Variants in SLC41A3 observed in about 807,000 individuals in gnomAD.
SLC41A3 encodes solute carrier family 41 member 3, also known as SLC41A1-like 2.
A neutral mutation model predicts 45.4 loss-of-function variants in SLC41A3; 44 were observed. The observed-to-expected ratio is 0.97, with a 90% CI of 0.76 to 1.25. The LOEUF (loss-of-function observed/expected upper bound fraction) is 1.25, where lower values mean the gene tolerates loss of function less well. SLC41A3 is among the 50% of genes most tolerant of loss of function. The pLI is 0.00. For missense variants in SLC41A3, 550 were observed against 600.6 expected, an observed-to-expected ratio of 0.92 and a Z score of 0.88; for synonymous variants, 256 against 252.4, an observed-to-expected ratio of 1.01 and a Z score of -0.13.
At chr3:126,012,907 C>T (rs1165111424) in intron 8 of SLC41A3, among the ~76,000 whole-genome samples, 158 bp from the exon 9 acceptor site, 1 of 152,174 alleles carries the variant, frequency 6.6e-6, no homozygotes, top group Non-Finnish European at 1.5e-5. Context: ...TCTTGTTTGG[C>T]AGCAAGTCAG....
rs1423405035 is a variant in SLC41A3 at position 126,026,798 on chromosome 3, T to C, written c.454-319A>G. Among the ~76,000 whole-genome samples, 1 of 152,112 alleles carries C rather than the reference T, an allele frequency of 6.6e-6. No homozygotes were observed. Among genetic ancestry groups the C allele is most frequent in the East Asian group, 1.9e-4 (1 of 5,176 alleles). On this transcript the variant is annotated intron_variant, in intron 4 of 10. Coordinates refer to ENST00000360370, the MANE Select transcript of SLC41A3 (RefSeq NM_017836.4). This position sits in a 1 kb window ranked among gnomAD's most constrained non-coding sequence, Gnocchi z 4.2. ...CCTGGTATCTTGCTGGCAACTCCAC[T>C]CTCACTGGTCTGAGCAGAAGTCCTC... is the stretch of plus-strand genomic sequence containing the variant.
At chr3:126,067,628 G>T (rs1944417997) in intron 2 of SLC41A3, 1 of 493,652 alleles carries the variant, frequency 2.0e-6, no homozygotes, top group East Asian at 5.7e-5. Context: ...ACCCCAGTGT[G>T]TGGGACTTTG....
chr3:126,042,235 C>T (rs1942641986), intron 3 of SLC41A3, among the ~76,000 whole-genome samples: 1 of 152,010 alleles, frequency 6.6e-6, no homozygotes, highest in Non-Finnish European at 1.5e-5. Context: ...GACAGAGGAA[C>T]ACAATAGAAT....
At chr3:126,034,015 GCA>G (rs1183687311) in intron 3 of SLC41A3, among the ~76,000 whole-genome samples, 1 of 152,084 alleles carries the variant, frequency 6.6e-6, no homozygotes, top group Non-Finnish European at 1.5e-5. Context: ...ACACATGCAT[GCA>G]CACACACAGG....
At chr3:126,074,299 CT>C (rs2108054589) in intron 1 of SLC41A3, among the ~76,000 whole-genome samples, 1 of 151,794 alleles carries the variant, frequency 6.6e-6, no homozygotes, top group South Asian at 2.1e-4. Context: ...TGTTCTCATC[CT>C]GATTAAGGGC....
chr3:126,040,262 T>C (rs1942496579), intron 3 of SLC41A3, among the ~76,000 whole-genome samples: 1 of 152,240 alleles, frequency 6.6e-6, no homozygotes, highest in African/African-American at 2.4e-5. Context: ...CATGCTTATT[T>C]CCAACTCTAA....
Position 126,008,983 on chromosome 3 carries a change from C to A in SLC41A3, c.1106-103G>T, listed in dbSNP as rs1391921938. 3 of 1,455,458 alleles carry A rather than the reference C, an allele frequency of 2.1e-6. No homozygotes were observed. In the African/African-American group the frequency reaches 4.2e-5, roughly 20 times the overall value. The allele number at this position is 1,455,458 out of a possible 1,614,324, so 90.2% of individuals were successfully genotyped here. A position where few individuals can be genotyped will look rare whatever the true frequency, so the allele number is the denominator to read the frequency against. ...TCCACACTCACTCATCCATTTATTC[C>A]CAAGTGTTCACTGGACACCTACTCT... On this transcript the variant is annotated intron_variant, in intron 9 of 10. Coordinates refer to ENST00000360370, the MANE Select transcript of SLC41A3 (RefSeq NM_017836.4).
At position 126,016,816 on chromosome 3, in the gene SLC41A3, C is replaced by T. The variant is rs1420469548; in HGVS notation, c.805G>A (p.Val269Ile). ...GGTGGGCTCTGCTTGGCAATGAGGA[C>T]CCACACTGGGGTCAGAGCCGCAAAG... Reference protein sequence around the residue: ...LSFAALTPVWVLIAKQSPPIV... With the variant: ...LSFAALTPVWILIAKQSPPIV... The change falls in exon 7 of 11, where the codon GTC becomes ATC. Residue 269 changes from valine (V) to isoleucine (I), a missense_variant. Physicochemically the swap from Val to Ile is conservative, Grantham distance 29. Coordinates refer to ENST00000360370, the MANE Select transcript of SLC41A3 (RefSeq NM_017836.4). 5 of 1,612,286 alleles carry T rather than the reference C, an allele frequency of 3.1e-6. No individual in the cohort carries two copies. In the South Asian group the frequency reaches 5.5e-5, roughly 18 times the overall value.
intron 3 of SLC41A3, among the ~76,000 whole-genome samples, chr3:126,048,449 T>C (rs957960834): frequency 6.6e-6 from 1 of 152,200 alleles, no homozygotes; most frequent in African/African-American, 2.4e-5. Context: ...TTTATTTCAT[T>C]TAGATGTTTT....
At chr3:126,009,864 C>T (rs1438294737) in intron 9 of SLC41A3, among the ~76,000 whole-genome samples, 1 of 152,174 alleles carries the variant, frequency 6.6e-6, no homozygotes, top group Non-Finnish European at 1.5e-5. Context: ...TGTTTAGGTG[C>T]ACAACACAGA....
In SLC41A3 at chr3:126,067,937, T is replaced by TC. The variant is rs769418576; in HGVS notation, c.273+9dup. Reference sequence around the variant, plus strand: ...GCCCCGCTCCCTGTCCCCATTTAGTTCCCTCTTACCTGGAAATAGTCCAGA... The same window carrying TC: ...GCCCCGCTCCCTGTCCCCATTTAGTTCCCCTCTTACCTGGAAATAGTCCAGA... On this transcript the variant is annotated intron_variant, in intron 2 of 10. Coordinates refer to ENST00000360370, the MANE Select transcript of SLC41A3 (RefSeq NM_017836.4). 4.4e-6 allele frequency: 7 copies of TC among 1,574,902 alleles called. No homozygotes were observed. In the African/African-American group the frequency reaches 9.5e-5, roughly 21 times the overall value.
At chr3:126,066,578 G>A (rs1267771915) in intron 2 of SLC41A3, among the ~76,000 whole-genome samples, 1 of 152,184 alleles carries the variant, frequency 6.6e-6, no homozygotes, top group African/African-American at 2.4e-5. Context: ...TTGGGAACAA[G>A]CATTTCCCTG....
intron 2 of SLC41A3, among the ~76,000 whole-genome samples, chr3:126,054,199 T>C (rs966516811): frequency 2.0e-5 from 3 of 152,252 alleles, no homozygotes; most frequent in South Asian, 2.1e-4. Flanking sequence ...ATAAGTCCTA[T>C]GAACCCCAAA....
intron 3 of SLC41A3, among the ~76,000 whole-genome samples, chr3:126,049,082 C>T (rs1483986591): frequency 6.6e-6 from 1 of 152,230 alleles, no homozygotes; most frequent in African/African-American, 2.4e-5. Flanking sequence ...GGGTGGATCA[C>T]GAGGTCGGAA....
chr3:126,061,854 T>C (rs4413273), intron 2 of SLC41A3, among the ~76,000 whole-genome samples: 100,091 of 151,962 alleles, frequency 0.66, 33,223 homozygotes, highest in Middle Eastern at 0.72. Context: ...CTGTCTCTCT[T>C]GGGCTCTGTC....
At chr3:126,046,898 G>A (rs10222476) in intron 3 of SLC41A3, among the ~76,000 whole-genome samples, 47,520 of 149,500 alleles carry the variant, frequency 0.32, 8,995 homozygotes, top group East Asian at 0.52. Context: ...GGAGGTGGAG[G>A]TTGCAGTGAG....
At chr3:126,078,509 A>C (rs1300834182) in intron 1 of SLC41A3, among the ~76,000 whole-genome samples, 1 of 152,140 alleles carries the variant, frequency 6.6e-6, no homozygotes, top group African/African-American at 2.4e-5. Context: ...CAGAACCATG[A>C]GGAGGAAGGA....
At chr3:126,031,243 CTAAT>C (rs1463278987) in intron 4 of SLC41A3, among the ~76,000 whole-genome samples, 5 of 152,102 alleles carry the variant, frequency 3.3e-5, no homozygotes, top group Non-Finnish European at 7.4e-5. Flanking sequence ...AATGGTAGGG[CTAAT>C]TATTTAATAC....
chr3:126,043,403 T>C (rs1942721639), intron 3 of SLC41A3, among the ~76,000 whole-genome samples: 1 of 152,132 alleles, frequency 6.6e-6, no homozygotes, highest in African/African-American at 2.4e-5. Flanking sequence ...AAGAGAGTCA[T>C]TCAAGTTGAA....
Sources: gnomAD v4.1 joint callset for allele counts (sites outside exome capture counted in the v4.1 genomes callset) on GRCh38, gnomAD v4.1.1 for gene constraint, Gnocchi (gnomAD v3.1) non-coding constraint, MANE v1.5 for transcripts, NCBI Gene and HGNC (gene_info 2026-07-23, HGNC 2026-07-21) for gene names.